The following LIN28B variants were observed in gnomAD, a reference collection of about 807,000 sequenced individuals.
LIN28B encodes protein lin-28 homolog B.
In LIN28B, 5 loss-of-function variants were observed where a neutral mutation model predicts 21.9. The observed-to-expected ratio is 0.23, with a 90% CI of 0.12 to 0.48. The LOEUF (loss-of-function observed/expected upper bound fraction) is 0.48. Among genes scored for constraint, LIN28B ranks in the 20% least tolerant of loss-of-function variants. LIN28B has a pLI of 0.98. For synonymous variants in LIN28B, 109 were observed against 111.3 expected (o/e 0.98, Z 0.13); for missense variants, 245 against 310.5 (o/e 0.79, Z 1.58).
chr6:104,982,357 C>T (rs777937649), intron 2 of LIN28B, among the ~76,000 whole-genome samples: 19 of 151,782 alleles, frequency 1.3e-4, no homozygotes, highest in African/African-American at 4.6e-4. Context: ...TGAATGGCCT[C>T]CAATTCAGTG....
chr6:105,028,129 A>G, intron 3 of LIN28B, among the ~76,000 whole-genome samples: 1 of 152,208 alleles, frequency 6.6e-6, no homozygotes, highest in East Asian at 1.9e-4. Context: ...TCTTTTAGAT[A>G]AAATCTTTAA....
intron 2 of LIN28B, among the ~76,000 whole-genome samples, chr6:104,978,411 C>T (rs1216046769): frequency 1.3e-5 from 2 of 152,062 alleles, no homozygotes; most frequent in Non-Finnish European, 2.9e-5. Context: ...GTGTTTGAAT[C>T]CCAACTCTAA....
chr6:105,055,104 A>G (rs1389923926), intron 3 of LIN28B, among the ~76,000 whole-genome samples: 1 of 152,014 alleles, frequency 6.6e-6, no homozygotes, highest in Non-Finnish European at 1.5e-5. Flanking sequence ...CTGAATTATG[A>G]TGCACCAAAG....
intron 2 of LIN28B, among the ~76,000 whole-genome samples, chr6:104,942,846 T>C (rs1384732085): frequency 6.6e-6 from 1 of 152,136 alleles, no homozygotes; most frequent in African/African-American, 2.4e-5. Flanking sequence ...GTCATAAAAA[T>C]TTAAGGAATT....
intron 2 of LIN28B, among the ~76,000 whole-genome samples, chr6:104,938,664 A>G (rs1778043229): frequency 6.6e-6 from 1 of 151,908 alleles, no homozygotes; most frequent in African/African-American, 2.4e-5. Flanking sequence ...ACCTGAAAAG[A>G]AAAAGAAATT....
intron 3 of LIN28B, among the ~76,000 whole-genome samples, chr6:105,075,254 CA>C (rs1351690319): frequency 6.6e-6 from 1 of 152,042 alleles, no homozygotes; most frequent in Admixed American, 6.5e-5. Context: ...AAATTCATTC[CA>C]ACTACAAAGG....
chr6:104,975,378 A>T (rs1387564355), intron 2 of LIN28B, among the ~76,000 whole-genome samples: 1 of 152,076 alleles, frequency 6.6e-6, no homozygotes, highest in Non-Finnish European at 1.5e-5. Flanking sequence ...ATACATTAAC[A>T]TTTATATTTT....
intron 3 of LIN28B, among the ~76,000 whole-genome samples, chr6:105,055,324 G>A (rs751323875): frequency 3.3e-5 from 5 of 151,868 alleles, no homozygotes; most frequent in Non-Finnish European, 7.4e-5. Context: ...ATTGTCCCTC[G>A]TGTCACTATG....
Position 105,079,755 on chromosome 6 carries a change from A to G in LIN28B, c.*972A>G, listed in dbSNP as rs1240974951. On this transcript the variant is annotated 3_prime_UTR_variant, in exon 4 of 4. Coordinates refer to ENST00000345080, the MANE Select transcript of LIN28B (RefSeq NM_001004317.4). ...GAGCCCTCCTTATTTACTACTGAAGACCTTAGAGAACTCCAATTGTTTGGC... is the reference window on the plus strand; with the variant it reads ...GAGCCCTCCTTATTTACTACTGAAGGCCTTAGAGAACTCCAATTGTTTGGC... 2 of 152,172 alleles carry G rather than the reference A, an allele frequency of 1.3e-5. No homozygotes were observed. The highest frequency in any genetic ancestry group is 2.9e-5 in the Non-Finnish European group (2 of 68,036). The allele number at this position is 152,172 out of a possible 1,614,324, so 9.4% of individuals were successfully genotyped here. A position where few individuals can be genotyped will look rare whatever the true frequency, so the allele number is the denominator to read the frequency against.
At chr6:104,950,516 C>CT (rs74879333) in intron 3 of LIN28B, 45,408 of 1,001,608 alleles carry the variant, frequency 0.045, 174 homozygotes, top group African/African-American at 0.11. Context: ...CCAGGTTAGT[C>CT]TTTTTTTTTT....
chr6:105,051,188 C>A (rs1161953291), intron 3 of LIN28B, among the ~76,000 whole-genome samples: 2 of 151,628 alleles, frequency 1.3e-5, no homozygotes, highest in Non-Finnish European at 2.9e-5. Flanking sequence ...TGCCTGTAAT[C>A]CCAGCACTTT....
At chr6:104,988,307 G>A (rs1229193831) in intron 2 of LIN28B, among the ~76,000 whole-genome samples, 5 of 152,052 alleles carry the variant, frequency 3.3e-5, no homozygotes, top group East Asian at 3.9e-4. Flanking sequence ...ATGACCTTAC[G>A]GTACTTGGCT....
chr6:104,990,025 A>C (rs1000559296), intron 2 of LIN28B, among the ~76,000 whole-genome samples: 3 of 152,150 alleles, frequency 2.0e-5, no homozygotes, highest in Non-Finnish European at 4.4e-5. Flanking sequence ...TTTCATTACC[A>C]TTCAGTGAAA....
intron 3 of LIN28B, among the ~76,000 whole-genome samples, chr6:105,068,278 A>G (rs1158698152): frequency 1.3e-5 from 2 of 152,196 alleles, no homozygotes; most frequent in South Asian, 2.1e-4. Context: ...TTGTGCACAT[A>G]GTAGATATTC....
At chr6:104,967,920 A>G (rs1009368850) in intron 2 of LIN28B, among the ~76,000 whole-genome samples, 1 of 152,096 alleles carries the variant, frequency 6.6e-6, no homozygotes, top group Non-Finnish European at 1.5e-5. Context: ...GCTGGTTTAG[A>G]ACTCCTGGCT....
Position 104,957,220 on chromosome 6 carries a change from C to A in LIN28B, c.-31C>A. 2 of 1,613,770 alleles carry A rather than the reference C, an allele frequency of 1.2e-6. No individual in the cohort carries two copies. The highest frequency in any genetic ancestry group is 1.7e-6 in the Non-Finnish European group (2 of 1,179,730). On this transcript the variant is annotated 5_prime_UTR_variant, in exon 1 of 4. Coordinates refer to ENST00000345080, the MANE Select transcript of LIN28B (RefSeq NM_001004317.4). ...TTCCAAAGGGAAAGTTTTCATCTCA[C>A]GAGTTTGGAGCTGAGGGCCCGTGGG...
chr6:104,966,088 C>T (rs146402325), intron 2 of LIN28B, among the ~76,000 whole-genome samples: 1 of 152,212 alleles, frequency 6.6e-6, no homozygotes, highest in East Asian at 1.9e-4. Flanking sequence ...CATGTTATTA[C>T]ATATGTAAAG....
chr6:105,051,326 C>G (rs1771897307), intron 3 of LIN28B, among the ~76,000 whole-genome samples: 2 of 151,108 alleles, frequency 1.3e-5, no homozygotes, highest in African/African-American at 4.9e-5. Flanking sequence ...GTAATCCCAG[C>G]TACTCAGGAG....
chr6:105,073,090 C>T (rs918876540), intron 3 of LIN28B, among the ~76,000 whole-genome samples: 4 of 152,096 alleles, frequency 2.6e-5, no homozygotes, highest in Non-Finnish European at 5.9e-5. Flanking sequence ...CTCTGTGGTT[C>T]TCTAATAACC....
Sources: gnomAD v4.1 joint callset for allele counts (sites outside exome capture counted in the v4.1 genomes callset) on GRCh38, gnomAD v4.1.1 for gene constraint, MANE v1.5 for transcripts, NCBI Gene and HGNC (gene_info 2026-07-23, HGNC 2026-07-21) for gene names.